The following COL21A1 variants were observed in gnomAD, a reference collection of about 807,000 sequenced individuals.
COL21A1 encodes collagen type XXI alpha 1 chain.
COL21A1 carries 149 observed loss-of-function variants against 137.9 expected under a neutral mutation model. The observed-to-expected ratio is 1.08, with a 90% confidence interval of 0.95 to 1.24. The LOEUF (loss-of-function observed/expected upper bound fraction) is 1.24. Among genes scored for constraint, COL21A1 ranks in the 50% most tolerant of loss-of-function variants. The pLI, the probability that COL21A1 is intolerant of heterozygous loss-of-function variation, is 0.00. For missense variants in COL21A1, 1,167 were observed against 1,158.4 expected, an observed-to-expected ratio of 1.01 and a Z score of -0.11; for synonymous variants, 456 against 391.5, an observed-to-expected ratio of 1.16 and a Z score of -1.95.
rs1441031274 is a variant in COL21A1, at chr6:56,157,308, T to A, written c.1372-359A>T. Among the ~76,000 whole-genome samples, 5 of 10,794 alleles carry A rather than the reference T, an allele frequency of 4.6e-4. No individual in the cohort carries two copies. In the East Asian group the frequency reaches 0.11, roughly 235 times the overall value. 7.1% of individuals were successfully genotyped at this position (10,794 alleles called of 152,430 possible). A position where few individuals can be genotyped will look rare whatever the true frequency, so the allele number is the denominator to read the frequency against. On this transcript the variant is annotated intron_variant, in intron 9 of 29. Coordinates refer to ENST00000244728, the MANE Select transcript of COL21A1 (RefSeq NM_030820.4). ...GATAGCAATATTTGACTCATAAGAC[T>A]TTTTTTTTTTTTTTTTTTTTGAGAT...
At chr6:56,124,866 C>T (rs935650033) in intron 14 of COL21A1, among the ~76,000 whole-genome samples, 8 of 151,936 alleles carry the variant, frequency 5.3e-5, no homozygotes, top group South Asian at 2.1e-4. Flanking sequence ...AGGATGGTCT[C>T]GATCTCCTGA....
intron 1 of COL21A1, among the ~76,000 whole-genome samples, chr6:56,302,593 A>G (rs1322045870): frequency 4.0e-5 from 6 of 151,844 alleles, no homozygotes; most frequent in Non-Finnish European, 8.8e-5. Context: ...TTTTTCTTGT[A>G]AATTTGTTAG....
intron 5 of COL21A1, among the ~76,000 whole-genome samples, chr6:56,169,021 T>G (rs1306023824): frequency 6.6e-6 from 1 of 152,042 alleles, no homozygotes; most frequent in African/African-American, 2.4e-5. Context: ...AGTTTTCTTC[T>G]TGACCCCATT....
chr6:56,108,212 CATA>C (rs1771119694), intron 16 of COL21A1, among the ~76,000 whole-genome samples: 1 of 151,832 alleles, frequency 6.6e-6, no homozygotes, highest in Non-Finnish European at 1.5e-5. Context: ...GCATAATTTA[CATA>C]ATAACAAAAT....
At chr6:56,109,924 T>G (rs1487544021) in intron 16 of COL21A1, among the ~76,000 whole-genome samples, 2 of 151,990 alleles carry the variant, frequency 1.3e-5, no homozygotes, top group African/African-American at 4.8e-5. Context: ...CACTGGTGAA[T>G]TCTACCAAAC....
intron 9 of COL21A1, among the ~76,000 whole-genome samples, chr6:56,160,061 G>T (rs1371463963): frequency 6.6e-6 from 1 of 152,076 alleles, no homozygotes; most frequent in African/African-American, 2.4e-5. Flanking sequence ...AGATTTTACT[G>T]GTTATTTTGA....
chr6:56,258,904 A>G (rs115735089), intron 1 of COL21A1, among the ~76,000 whole-genome samples: 196 of 152,316 alleles, frequency 1.3e-3, no homozygotes, highest in Middle Eastern at 3.4e-3. Context: ...TGTATTTGGA[A>G]TATTTTGAGA....
Position 56,348,040 on chromosome 6 carries a change from T to C in COL21A1, c.-39+45931A>G, listed in dbSNP as rs114552575. The stretch of plus-strand genomic sequence containing the variant: ...CATACAGGAGTAGGCAGGACCAGCA[T>C]ATACAGAGGAGGAATACGCAGTCAC... On this transcript the variant is annotated intron_variant, in intron 1 of 28. Coordinates refer to the COL21A1 transcript ENST00000370819. 6.1e-3 allele frequency among the ~76,000 whole-genome samples: 935 copies of C among 152,310 alleles called. 13 individuals carry two copies. The highest frequency in any genetic ancestry group is 0.022 in the African/African-American group (898 of 41,566).
intron 1 of COL21A1, among the ~76,000 whole-genome samples, chr6:56,260,848 C>CTGTGTGTG (rs70986790): frequency 0.2 from 26,530 of 134,988 alleles, 2,884 homozygotes; most frequent in South Asian, 0.26. Flanking sequence ...CTTTAATTCA[C>CTGTGTGTG]TGTGTGTGTG....
At chr6:56,303,708 T>C (rs1188586686) in intron 1 of COL21A1, among the ~76,000 whole-genome samples, 4 of 152,216 alleles carry the variant, frequency 2.6e-5, no homozygotes, top group Admixed American at 6.5e-5. Context: ...CTTTTCCTAA[T>C]TGAATACCCT....
chr6:56,175,386 T>C (rs111232645), intron 3 of COL21A1, among the ~76,000 whole-genome samples: 96 of 152,014 alleles, frequency 6.3e-4, no homozygotes, highest in African/African-American at 2.1e-3. Flanking sequence ...AAAACCCTAA[T>C]GATTATACAT....
intron 1 of COL21A1, among the ~76,000 whole-genome samples, chr6:56,260,061 C>T (rs1763213896): frequency 6.6e-6 from 1 of 152,186 alleles, no homozygotes; most frequent in Admixed American, 6.5e-5. Context: ...CTCCCCACCA[C>T]ACACATAGCA....
chr6:56,142,982 T>A (rs1774533226), intron 10 of COL21A1, among the ~76,000 whole-genome samples: 1 of 152,198 alleles, frequency 6.6e-6, no homozygotes, highest in Admixed American at 6.5e-5. Context: ...TCTGTCAATA[T>A]GTTTTTAACT....
At chr6:56,061,947 A>G (rs1246291303) in intron 24 of COL21A1, among the ~76,000 whole-genome samples, 1 of 152,100 alleles carries the variant, frequency 6.6e-6, no homozygotes, top group Non-Finnish European at 1.5e-5. Flanking sequence ...AGGTTGAATC[A>G]TGTGGGTAAG....
intron 1 of COL21A1, among the ~76,000 whole-genome samples, chr6:56,193,386 C>A (rs76282602): frequency 0.012 from 1,827 of 151,968 alleles, 35 homozygotes; most frequent in African/African-American, 0.041. Flanking sequence ...TTATAGGAAA[C>A]AACATGAATA....
chr6:56,142,831 G>A (rs1462267674), intron 10 of COL21A1, among the ~76,000 whole-genome samples: 1 of 152,016 alleles, frequency 6.6e-6, no homozygotes, highest in Non-Finnish European at 1.5e-5. Context: ...CTTACTGTTT[G>A]GGTACCAGTC....
At chr6:56,241,011 C>A (rs141519455) in intron 1 of COL21A1, among the ~76,000 whole-genome samples, 2 of 152,288 alleles carry the variant, frequency 1.3e-5, no homozygotes, top group East Asian at 3.9e-4. Flanking sequence ...CCCTTTTCAA[C>A]CCTGCTCCCT....
chr6:56,282,944 G>A (rs1224191560), intron 1 of COL21A1, among the ~76,000 whole-genome samples: 1 of 152,096 alleles, frequency 6.6e-6, no homozygotes, highest in Non-Finnish European at 1.5e-5. Flanking sequence ...AGTTTTAATG[G>A]CCTTCTCAGC....
chr6:56,264,508 C>T (rs187297976), intron 1 of COL21A1, among the ~76,000 whole-genome samples: 15 of 152,294 alleles, frequency 9.8e-5, no homozygotes, highest in Admixed American at 7.8e-4. Flanking sequence ...TAAACAATCT[C>T]CTCCTTTCAT....
Sources: gnomAD v4.1 joint callset for allele counts (sites outside exome capture counted in the v4.1 genomes callset) on GRCh38, gnomAD v4.1.1 for gene constraint, MANE v1.5 for transcripts, NCBI Gene and HGNC (gene_info 2026-07-23, HGNC 2026-07-21) for gene names.